CTNNA2: variants seen among roughly 807,000 people sequenced by gnomAD.
CTNNA2 encodes the protein catenin alpha 2, also known as catenin alpha-2.
A neutral mutation model predicts 101.0 loss-of-function variants in CTNNA2; 42 were observed. The ratio of observed to expected loss-of-function variants is 0.42; its 90% CI spans 0.32 to 0.54. The LOEUF (loss-of-function observed/expected upper bound fraction) is 0.54. Among genes scored for constraint, CTNNA2 ranks in the 20% least tolerant of loss-of-function variants. The probability of loss-of-function intolerance (pLI) is 0.14; values close to 1 mark genes in which losing one functional copy is unlikely to be tolerated. For synonymous variants in CTNNA2, 450 were observed against 456.4 expected (o/e 0.99, Z 0.18); for missense variants, 871 against 1,223.1 (o/e 0.71, Z 4.29).
chr2:80,285,879 A>G (rs541003219), intron 7 of CTNNA2, among the ~76,000 whole-genome samples: 21 of 152,324 alleles, frequency 1.4e-4, no homozygotes, highest in African/African-American at 5.0e-4. Flanking sequence ...TTCCCTATAC[A>G]ACAAAGGTAA....
rs200693218 is a variant in CTNNA2, at chr2:80,546,020, C to T, written c.1497C>T (p.Ala499=). 24 of 1,613,916 alleles carry T rather than the reference C, an allele frequency of 1.5e-5. No homozygotes were observed. The highest frequency in any genetic ancestry group is 1.9e-5 in the Non-Finnish European group (23 of 1,179,998). The part of the protein sequence containing the change: ...WEKQVRVLTE[A]VDDITSVDDF... Reference sequence around the variant, plus strand: ...AGCAGGTCCGAGTGTTGACAGAGGCCGTGGATGACATCACCTCAGTGGATG... The same window carrying T: ...AGCAGGTCCGAGTGTTGACAGAGGCTGTGGATGACATCACCTCAGTGGATG... Residue 499 remains alanine, a synonymous_variant, in exon 11 of 19, where the codon GCC becomes GCT. Coordinates refer to ENST00000402739, the MANE Select transcript of CTNNA2 (RefSeq NM_001282597.3).
At chr2:79,771,195 G>A (rs192815524) in intron 3 of CTNNA2, among the ~76,000 whole-genome samples, 1 of 152,202 alleles carries the variant, frequency 6.6e-6, no homozygotes, top group East Asian at 1.9e-4. Context: ...CCTTGTAGAT[G>A]GCATCAAAAT....
chr2:79,308,193 C>T (rs934355178), intron 2 of CTNNA2, among the ~76,000 whole-genome samples: 2 of 152,026 alleles, frequency 1.3e-5, no homozygotes, highest in Non-Finnish European at 2.9e-5. Flanking sequence ...TACAGGTGCC[C>T]ATCACCATGC....
chr2:79,890,932 T>C (rs1223691515), intron 6 of CTNNA2, among the ~76,000 whole-genome samples: 1 of 145,862 alleles, frequency 6.9e-6, no homozygotes, highest in Admixed American at 7.2e-5. Flanking sequence ...CAAGCCTCTT[T>C]TATAAGGGCA....
intron 7 of CTNNA2, among the ~76,000 whole-genome samples, chr2:80,314,533 A>G (rs1016750309): frequency 3.3e-5 from 5 of 152,214 alleles, no homozygotes; most frequent in African/African-American, 7.2e-5. Context: ...GACTGTCATT[A>G]TTATGAACTT....
chr2:79,520,147 T>A (rs908625582), intron 1 of CTNNA2, among the ~76,000 whole-genome samples: 1 of 152,186 alleles, frequency 6.6e-6, no homozygotes, highest in African/African-American at 2.4e-5. Flanking sequence ...CAATAAAGTG[T>A]ACCCATTTTA....
chr2:79,702,979 A>G (rs1685110999), intron 2 of CTNNA2, among the ~76,000 whole-genome samples: 1 of 152,216 alleles, frequency 6.6e-6, no homozygotes, highest in South Asian at 2.1e-4. Context: ...TTACTGGTCA[A>G]GAATATTTGT....
intron 7 of CTNNA2, among the ~76,000 whole-genome samples, chr2:80,080,178 C>A (rs1699047203): frequency 6.6e-6 from 1 of 152,056 alleles, no homozygotes; most frequent in African/African-American, 2.4e-5. Context: ...ACCAAATAAA[C>A]CTTAAGTTTA....
chr2:79,844,651 A>T (rs1680064307), intron 3 of CTNNA2, among the ~76,000 whole-genome samples: 1 of 152,138 alleles, frequency 6.6e-6, no homozygotes, highest in Admixed American at 6.6e-5. Flanking sequence ...TAGAAGTAAA[A>T]TGGGGCCCAA....
intron 7 of CTNNA2, among the ~76,000 whole-genome samples, chr2:80,110,427 T>C (rs192476941): frequency 6.6e-6 from 1 of 152,338 alleles, no homozygotes; most frequent in East Asian, 1.9e-4. Flanking sequence ...ATCTTCCTCA[T>C]TTCAAAGTCC....
At chr2:80,397,884 A>G (rs759677118) in intron 8 of CTNNA2, among the ~76,000 whole-genome samples, 9 of 152,198 alleles carry the variant, frequency 5.9e-5, no homozygotes, top group Non-Finnish European at 8.8e-5. Context: ...TGGGTCAACC[A>G]TATACTAATG....
chr2:80,043,140 TC>T (rs1696271915), intron 7 of CTNNA2, among the ~76,000 whole-genome samples: 1 of 60,948 alleles, frequency 1.6e-5, no homozygotes, highest in Non-Finnish European at 3.2e-5. Context: ...CTTCCTTCCT[TC>T]CTTCCTTCCT....
At chr2:80,621,075 A>G (rs1261208583) in intron 18 of CTNNA2, among the ~76,000 whole-genome samples, 3 of 151,870 alleles carry the variant, frequency 2.0e-5, no homozygotes, top group East Asian at 3.9e-4. Flanking sequence ...GGTTGCATTA[A>G]TTTGGGGTCT....
chr2:79,522,888 C>A (rs565988769), intron 1 of CTNNA2, among the ~76,000 whole-genome samples: 4 of 152,246 alleles, frequency 2.6e-5, no homozygotes, highest in Non-Finnish European at 5.9e-5. Context: ...TTGTCTTTTG[C>A]ACTTACAGTA....
rs578240075 is a variant in CTNNA2, at chr2:79,726,223, T to C, written c.103-18164T>C. 5.3e-5 allele frequency among the ~76,000 whole-genome samples: 8 copies of C among 152,302 alleles called. No individual in the cohort carries two copies. In the South Asian group the frequency reaches 1.7e-3, roughly 32 times the overall value. The stretch of plus-strand genomic sequence containing the variant: ...AGCTTTCTTTTGGTCCATCAGTCAA[T>C]AGATAGATAGAGATATGAATGTATG... On this transcript the variant is annotated intron_variant, in intron 2 of 18. Coordinates refer to ENST00000402739, the MANE Select transcript of CTNNA2 (RefSeq NM_001282597.3).
chr2:79,591,527 C>G (rs1044306992), intron 1 of CTNNA2, among the ~76,000 whole-genome samples: 3 of 152,210 alleles, frequency 2.0e-5, no homozygotes, highest in African/African-American at 7.2e-5. Context: ...ACCTTCACAT[C>G]TTTGCTTTGT....
intron 15 of CTNNA2, 116 bp downstream of exon 15, chr2:80,589,601 G>T: frequency 1.1e-6 from 1 of 941,272 alleles, no homozygotes; most frequent in Non-Finnish European, 1.6e-6. Flanking sequence ...CAAGGTGGTG[G>T]TATTATAAAT....
chr2:79,462,633 C>A (rs1178919560), intron 4 of CTNNA2, among the ~76,000 whole-genome samples: 1 of 152,074 alleles, frequency 6.6e-6, no homozygotes, highest in Non-Finnish European at 1.5e-5. Context: ...GTCTATAGTA[C>A]CTAGCATAGT....
chr2:79,297,447 A>G (rs1676007355), intron 2 of CTNNA2, among the ~76,000 whole-genome samples: 1 of 152,176 alleles, frequency 6.6e-6, no homozygotes, highest in Non-Finnish European at 1.5e-5. Flanking sequence ...GGAAAGACCA[A>G]TTCTATGACA....
Sources: gnomAD v4.1 joint callset for allele counts (sites outside exome capture counted in the v4.1 genomes callset) on GRCh38, gnomAD v4.1.1 for gene constraint, MANE v1.5 for transcripts, NCBI Gene and HGNC (gene_info 2026-07-23, HGNC 2026-07-21) for gene names.